The following NCLN variants were observed in gnomAD, a reference collection of about 807,000 sequenced individuals.
NCLN encodes nicalin, also known as BOS complex subunit NCLN.
Under a neutral mutation model 69.5 loss-of-function variants are expected in NCLN, and 34 were observed. The observed-to-expected ratio is 0.49, with a 90% CI of 0.37 to 0.65. The LOEUF (loss-of-function observed/expected upper bound fraction) is 0.65, where lower values mean the gene tolerates loss of function less well. Among genes scored for constraint, NCLN ranks in the 30% least tolerant of loss-of-function variants. The pLI is 0.00. For missense variants in NCLN, 710 were observed against 804.8 expected (o/e 0.88, Z 1.42); for synonymous variants, 393 against 358.3 (o/e 1.10, Z -1.09).
chr19:3,191,895 T>G (rs1264524481), intron 1 of NCLN, among the ~76,000 whole-genome samples: 2 of 152,076 alleles, frequency 1.3e-5, no homozygotes, highest in Non-Finnish European at 2.9e-5. Context: ...GGCTCTGCTG[T>G]CATTAGAAAG....
rs77153946 is a variant in NCLN at position 3,195,237 on chromosome 19, A to C, written c.521-946A>C. ...GGAGCATGCTTCCCCCAGTGATCAT[A>C]TCTTTTTGTTTTGTTTTGTTTTGTT... On this transcript the variant is annotated intron_variant, in intron 3 of 14. Coordinates refer to ENST00000246117, the MANE Select transcript of NCLN (RefSeq NM_020170.4). 8.0e-5 allele frequency among the ~76,000 whole-genome samples: 12 copies of C among 150,266 alleles called. No homozygotes were observed. In the East Asian group the frequency reaches 2.2e-3, roughly 27 times the overall value.
At position 3,186,004 on chromosome 19, in the gene NCLN, C is replaced by G; in HGVS notation, c.-27C>G. 6.6e-7 allele frequency: 1 copy of G among 1,505,990 alleles called. No individual in the cohort carries two copies. Among genetic ancestry groups the G allele is most frequent in the Non-Finnish European group, 8.8e-7 (1 of 1,131,068 alleles). The allele number at this position is 1,505,990 out of a possible 1,614,324, so 93.3% of individuals were successfully genotyped here. A position where few individuals can be genotyped will look rare whatever the true frequency, so the allele number is the denominator to read the frequency against. On this transcript the variant is annotated 5_prime_UTR_variant, in exon 1 of 15. Coordinates refer to ENST00000246117, the MANE Select transcript of NCLN (RefSeq NM_020170.4). The stretch of plus-strand genomic sequence containing the variant: ...CGCCGCCGTCCCGTCCCAGCTGCCG[C>G]CCCGCGCGGCCCCGCCGCCGGCCAG...
At chr19:3,193,114 C>T (rs1915870974) in intron 2 of NCLN, among the ~76,000 whole-genome samples, 170 bp from the exon 3 acceptor site, 1 of 151,622 alleles carries the variant, frequency 6.6e-6, no homozygotes, top group Admixed American at 6.6e-5. Context: ...TCATGCCGCC[C>T]TCTGAGGGCC....
intron 1 of NCLN, 31 bp from the exon 2 acceptor site, chr19:3,192,439 G>T: frequency 6.5e-7 from 1 of 1,542,852 alleles, no homozygotes. Context: ...GCCACCCGCC[G>T]AGGCTCACGA....
At position 3,207,886 on chromosome 19, in the gene NCLN, C is replaced by T; in HGVS notation, c.*198C>T. ...TGGGGGGGGATTGTTTCTTCTTTTC[C>T]TTGTCTTTGAACTTCCTTGGAGGAG... On this transcript the variant is annotated 3_prime_UTR_variant, in exon 15 of 15. Coordinates refer to ENST00000246117, the MANE Select transcript of NCLN (RefSeq NM_020170.4). 3 of 582,922 alleles carry T rather than the reference C, an allele frequency of 5.1e-6. No individual in the cohort carries two copies. Among genetic ancestry groups the T allele is most frequent in the Non-Finnish European group, 6.1e-6 (2 of 326,150 alleles). 36.1% of individuals were successfully genotyped at this position (582,922 alleles called of 1,614,324 possible).
chr19:3,204,775 G>A, intron 9 of NCLN, 24 bp downstream of exon 9: 2 of 1,441,046 alleles, frequency 1.4e-6, no homozygotes, highest in Non-Finnish European at 1.8e-6. Context: ...CACCTGCCCG[G>A]CCCCTCCTAG....
chr19:3,187,751 T>C (rs1478675188), intron 1 of NCLN, among the ~76,000 whole-genome samples: 6 of 152,072 alleles, frequency 3.9e-5, no homozygotes, highest in African/African-American at 1.4e-4. Context: ...ATGTCCACAG[T>C]GTCCAGGGGA....
At chr19:3,204,779 C>T (rs1265695209) in intron 9 of NCLN, 28 bp downstream of exon 9, 2 of 1,419,152 alleles carry the variant, frequency 1.4e-6, no homozygotes, top group Non-Finnish European at 1.8e-6. Context: ...TGCCCGGCCC[C>T]TCCTAGGGCT....
rs1782234129 is a variant in NCLN, at chr19:3,203,749, C to G, written c.801-7C>G. The G allele has an allele frequency of 3.7e-6, 6 of 1,608,842 alleles. No homozygotes were observed. The highest frequency in any genetic ancestry group is 5.1e-6 in the Non-Finnish European group (6 of 1,177,946). ...CGTCAAAGCTAACACTGGGTCTTCC[C>G]TCCCAGCTACAACCTCCTGTTCTTT... On this transcript the variant is annotated splice_region_variant and splice_polypyrimidine_tract_variant and intron_variant, in intron 6 of 14. Coordinates refer to ENST00000246117, the MANE Select transcript of NCLN (RefSeq NM_020170.4).
At position 3,209,401 on chromosome 19, in the gene NCLN, G is replaced by C. The variant is rs572552328; in HGVS notation, c.*1713G>C. On this transcript the variant is annotated 3_prime_UTR_variant, in exon 15 of 15. Transcript: ENST00000246117. The stretch of plus-strand genomic sequence containing the variant: ...GAGAGAATTTGGGGAGTGCTTGCAT[G>C]CTAGCCAGCAGGCTCCTGTCTGGGT... 8 of 152,332 alleles carry C rather than the reference G, an allele frequency of 5.3e-5. No individual in the cohort carries two copies. Among genetic ancestry groups the C allele is most frequent in the Non-Finnish European group, 1.2e-4 (8 of 68,098 alleles). 9.4% of individuals were successfully genotyped at this position (152,332 alleles called of 1,614,324 possible).
At chr19:3,203,054 GC>G (rs1916167470) in intron 6 of NCLN, among the ~76,000 whole-genome samples, 1 of 152,154 alleles carries the variant, frequency 6.6e-6, no homozygotes, top group African/African-American at 2.4e-5. Flanking sequence ...GGTGGCTTAT[GC>G]CTATAATCCC....
intron 6 of NCLN, among the ~76,000 whole-genome samples, chr19:3,202,750 TG>T (rs1244492577): frequency 7.9e-6 from 1 of 126,206 alleles, no homozygotes; most frequent in Non-Finnish European, 1.8e-5. Context: ...AGCCAAAACT[TG>T]TTTTTTTTTT....
At chr19:3,194,240 G>A (rs370188161) in intron 3 of NCLN, among the ~76,000 whole-genome samples, 4 of 152,186 alleles carry the variant, frequency 2.6e-5, no homozygotes, top group East Asian at 3.8e-4. Context: ...AAAGTTAGCC[G>A]GGCGCGGTGG....
chr19:3,193,441 C>A lies in NCLN; in HGVS notation c.520+13C>A. On this transcript the variant is annotated intron_variant, in intron 3 of 14. Coordinates refer to ENST00000246117, the MANE Select transcript of NCLN (RefSeq NM_020170.4). ...TCTGCTGCTGAAGGTGTGCTCTGGG[C>A]TGCAGGGACGGGGCCCGTGGGCGTG... The A allele has an allele frequency of 6.3e-7, 1 of 1,589,550 alleles. No individual in the cohort carries two copies. The highest frequency in any genetic ancestry group is 8.5e-7 in the Non-Finnish European group (1 of 1,171,340).
In NCLN at chr19:3,205,323, C is replaced by T. The variant is rs796414430; in HGVS notation, c.1208+572C>T. Among the ~76,000 whole-genome samples, 27 of 152,356 alleles carry T rather than the reference C, an allele frequency of 1.8e-4. No individual in the cohort carries two copies. The highest frequency in any genetic ancestry group is 3.1e-4 in the African/African-American group (13 of 41,586). Reference sequence around the variant, plus strand: ...GGGCGCCGTCTCCTCCCCCAGCGCCCGCAGTCCCGGCATAGATCCTTCCCG... The same window carrying T: ...GGGCGCCGTCTCCTCCCCCAGCGCCTGCAGTCCCGGCATAGATCCTTCCCG... On this transcript the variant is annotated intron_variant, in intron 9 of 14. Transcript: ENST00000246117. This position sits in a 1 kb window ranked among gnomAD's most constrained non-coding sequence, Gnocchi z 4.6.
At position 3,207,947 on chromosome 19, in the gene NCLN, TGCGGACGA is replaced by T. The variant is rs921153021; in HGVS notation, c.*262_*269del. 2.0e-6 allele frequency: 1 copy of T among 497,634 alleles called. No individual in the cohort carries two copies. Among genetic ancestry groups the T allele is most frequent in the Non-Finnish European group, 3.6e-6 (1 of 276,140 alleles). 30.8% of individuals were successfully genotyped at this position (497,634 alleles called of 1,614,324 possible). A position where few individuals can be genotyped will look rare whatever the true frequency, so the allele number is the denominator to read the frequency against. ...ACGTCCCGGGGCCAGGCTACGGACT[TGCGGACGA>T]GCCCCCCAGTCCTGGGAGCCGGCCG... On this transcript the variant is annotated 3_prime_UTR_variant, in exon 15 of 15. Coordinates refer to ENST00000246117, the MANE Select transcript of NCLN (RefSeq NM_020170.4).
At chr19:3,204,222 A>G (rs1323409464) in intron 8 of NCLN, 78 bp downstream of exon 8, 4 of 1,440,436 alleles carry the variant, frequency 2.8e-6, no homozygotes, top group South Asian at 1.5e-5. Flanking sequence ...ATCCTGTCCC[A>G]GGGTGTCCTT....
chr19:3,187,190 C>T (rs1370289083), intron 1 of NCLN, among the ~76,000 whole-genome samples: 2 of 152,192 alleles, frequency 1.3e-5, no homozygotes, highest in African/African-American at 4.8e-5. Context: ...CTGCAAGTCT[C>T]CCACTCAACA....
At chr19:3,197,977 G>A (rs923859121) in intron 4 of NCLN, among the ~76,000 whole-genome samples, 3 of 152,218 alleles carry the variant, frequency 2.0e-5, no homozygotes, top group African/African-American at 4.8e-5. Context: ...AGCCGTCCAT[G>A]GCAGTTTCTT....
Sources: gnomAD v4.1 joint callset for allele counts (sites outside exome capture counted in the v4.1 genomes callset) on GRCh38, gnomAD v4.1.1 for gene constraint, Gnocchi (gnomAD v3.1) non-coding constraint, MANE v1.5 for transcripts, NCBI Gene and HGNC (gene_info 2026-07-23, HGNC 2026-07-21) for gene names.